SOX5: variants seen among roughly 807,000 people sequenced by gnomAD.
SOX5 encodes transcription factor SOX-5.
SOX5 carries 9 observed loss-of-function variants against 92.0 expected under a neutral mutation model. The ratio of observed to expected loss-of-function variants is 0.10; its 90% CI spans 0.06 to 0.17. The LOEUF (loss-of-function observed/expected upper bound fraction) is 0.17. SOX5 is among the 10% of genes least tolerant of loss of function. The probability of loss-of-function intolerance (pLI) is 1.00; values close to 1 mark genes in which losing one functional copy is unlikely to be tolerated. For missense variants in SOX5, 642 were observed against 944.5 expected (o/e 0.68, Z 4.20); for synonymous variants, 344 against 336.3 (o/e 1.02, Z -0.25).
chr12:23,608,877 G>T (rs2075601512), intron 8 of SOX5, among the ~76,000 whole-genome samples: 1 of 152,134 alleles, frequency 6.6e-6, no homozygotes, highest in South Asian at 2.1e-4. Flanking sequence ...GCTGACTCTG[G>T]ACTATTATTG....
intron 4 of SOX5, among the ~76,000 whole-genome samples, chr12:24,138,577 T>C (rs908958723): frequency 6.6e-6 from 1 of 152,166 alleles, no homozygotes; most frequent in African/African-American, 2.4e-5. Flanking sequence ...TACAGAAGCA[T>C]TTGTGTAGAG....
intron 3 of SOX5, among the ~76,000 whole-genome samples, chr12:24,267,561 C>T (rs16927377): frequency 6.6e-6 from 1 of 152,218 alleles, no homozygotes; most frequent in South Asian, 2.1e-4. Context: ...CTTCCACTGA[C>T]ATGATAAATA....
intron 1 of SOX5, among the ~76,000 whole-genome samples, chr12:24,521,401 G>A (rs939017765): frequency 6.6e-6 from 1 of 152,134 alleles, no homozygotes; most frequent in Non-Finnish European, 1.5e-5. Context: ...GAATAGAAGA[G>A]CCAGACAGAA....
chr12:23,674,136 T>C (rs2085259716), intron 6 of SOX5, among the ~76,000 whole-genome samples: 1 of 152,068 alleles, frequency 6.6e-6, no homozygotes, highest in Admixed American at 6.6e-5. Flanking sequence ...TTTCCAATTT[T>C]ATGAATGAGG....
In SOX5 at chr12:23,530,662, C is replaced by G. The variant is rs1938772436; in HGVS notation, c.*3557G>C. Reference sequence around the variant, plus strand: ...TTAATCACTAACTTATTATTAGTAACTATAAATGAGTAACTTTATTTTCTC... The same window carrying G: ...TTAATCACTAACTTATTATTAGTAAGTATAAATGAGTAACTTTATTTTCTC... On this transcript the variant is annotated 3_prime_UTR_variant, in exon 15 of 15. Transcript: ENST00000451604. 1 of 152,206 alleles carries G rather than the reference C, an allele frequency of 6.6e-6. No individual in the cohort carries two copies. The highest frequency in any genetic ancestry group is 1.9e-4 in the East Asian group (1 of 5,174). The allele number at this position is 152,206 out of a possible 1,614,324, so 9.4% of individuals were successfully genotyped here. A position where few individuals can be genotyped will look rare whatever the true frequency, so the allele number is the denominator to read the frequency against.
intron 1 of SOX5, among the ~76,000 whole-genome samples, chr12:24,535,002 A>G (rs1323513247): frequency 1.3e-5 from 2 of 152,232 alleles, no homozygotes; most frequent in African/African-American, 2.4e-5. Flanking sequence ...GCCCAGCTCC[A>G]TGAGGTTTTC....
intron 4 of SOX5, among the ~76,000 whole-genome samples, chr12:24,131,963 T>C (rs149959850): frequency 6.6e-6 from 1 of 152,300 alleles, no homozygotes; most frequent in African/African-American, 2.4e-5. Flanking sequence ...TCAGACTTAC[T>C]GAAGTTATTT....
At chr12:24,093,374 C>G (rs919551574) in intron 4 of SOX5, among the ~76,000 whole-genome samples, 1 of 151,782 alleles carries the variant, frequency 6.6e-6, no homozygotes. Context: ...ACAAAAAAAA[C>G]TAGCCAGGCG....
chr12:23,752,726 C>A (rs528403633), intron 4 of SOX5, among the ~76,000 whole-genome samples: 1 of 151,870 alleles, frequency 6.6e-6, no homozygotes, highest in East Asian at 1.9e-4. Context: ...TAGATAAGGG[C>A]AAAAGAATCT....
intron 4 of SOX5, among the ~76,000 whole-genome samples, chr12:24,106,528 T>C (rs1202239579): frequency 6.6e-6 from 1 of 152,116 alleles, no homozygotes; most frequent in Non-Finnish European, 1.5e-5. Flanking sequence ...TGGTGACTCA[T>C]GTCTGTAATC....
At chr12:24,415,532 G>T (rs1010018511) in intron 1 of SOX5, among the ~76,000 whole-genome samples, 1 of 152,134 alleles carries the variant, frequency 6.6e-6, no homozygotes. Context: ...AGCTGATAAA[G>T]AATGAATGGA....
At chr12:24,207,650 C>T (rs1202411906) in intron 4 of SOX5, among the ~76,000 whole-genome samples, 1 of 152,154 alleles carries the variant, frequency 6.6e-6, no homozygotes, top group African/African-American at 2.4e-5. Context: ...TACTTCAAGA[C>T]CATATAGTTT....
At chr12:24,169,528 C>A (rs1953822850) in intron 4 of SOX5, among the ~76,000 whole-genome samples, 1 of 152,214 alleles carries the variant, frequency 6.6e-6, no homozygotes, top group South Asian at 2.1e-4. Flanking sequence ...CGGCCATGAT[C>A]TTCATAGTGT....
At chr12:23,593,286 C>T (rs372421762) in intron 9 of SOX5, among the ~76,000 whole-genome samples, 87 of 152,154 alleles carry the variant, frequency 5.7e-4, no homozygotes, top group African/African-American at 2.0e-3. Context: ...TGTTGAAGAC[C>T]TTTTCTCCCA....
At chr12:23,556,505 G>A (rs1254739940) in intron 11 of SOX5, among the ~76,000 whole-genome samples, 1 of 151,820 alleles carries the variant, frequency 6.6e-6, no homozygotes, top group African/African-American at 2.4e-5. Flanking sequence ...TAAAACATTG[G>A]GAACATTTTT....
intron 6 of SOX5, among the ~76,000 whole-genome samples, chr12:23,712,755 G>A (rs1265309970): frequency 1.3e-5 from 2 of 152,148 alleles, no homozygotes; most frequent in Non-Finnish European, 2.9e-5. Flanking sequence ...ACTATGAAAT[G>A]TGACTAAAAG....
At chr12:24,439,916 A>T (rs1157557445) in intron 1 of SOX5, among the ~76,000 whole-genome samples, 1 of 150,172 alleles carries the variant, frequency 6.7e-6, no homozygotes, top group Non-Finnish European at 1.5e-5. Flanking sequence ...AAATAAGGAA[A>T]ATCTCATTGC....
rs115439568 is a variant in SOX5 at position 24,516,294 on chromosome 12, C to A, written c.-251+46035G>T. Among the ~76,000 whole-genome samples the A allele has an allele frequency of 4.9e-3, 746 of 152,218 alleles. 8 individuals carry two copies. Among genetic ancestry groups the A allele is most frequent in the African/African-American group, 0.016 (685 of 41,542 alleles). On this transcript the variant is annotated intron_variant, in intron 1 of 4. Coordinates refer to the SOX5 transcript ENST00000446891. Reference sequence around the variant, plus strand: ...GACTCCTGGCCTCAAGCAATCCTCCCACCATAGCTTCCCAGAGTGCCAGAA... The same window carrying A: ...GACTCCTGGCCTCAAGCAATCCTCCAACCATAGCTTCCCAGAGTGCCAGAA...
At chr12:23,844,530 T>C (rs1387796715) in intron 3 of SOX5, among the ~76,000 whole-genome samples, 1 of 152,146 alleles carries the variant, frequency 6.6e-6, no homozygotes. Flanking sequence ...ATCAAGTCTA[T>C]TAAAATATCA....
Sources: gnomAD v4.1 joint callset for allele counts (sites outside exome capture counted in the v4.1 genomes callset) on GRCh38, gnomAD v4.1.1 for gene constraint, MANE v1.5 for transcripts, NCBI Gene and HGNC (gene_info 2026-07-23, HGNC 2026-07-21) for gene names.